PLD5: variants seen among roughly 807,000 people sequenced by gnomAD.
The protein encoded by PLD5 is phospholipase D family member 5.
Under a neutral mutation model 61.1 loss-of-function variants are expected in PLD5, and 36 were observed. The observed-to-expected ratio is 0.59, with a 90% CI of 0.45 to 0.78. The LOEUF (loss-of-function observed/expected upper bound fraction) is 0.78, where lower values mean the gene tolerates loss of function less well. Ranked by LOEUF, PLD5 falls within the 30% of genes least tolerant of loss-of-function variation. The probability of loss-of-function intolerance (pLI) is 0.00; values close to 1 mark genes in which losing one functional copy is unlikely to be tolerated. For synonymous variants in PLD5, 243 were observed against 242.8 expected (o/e 1.00, Z -0.01); for missense variants, 515 against 644.4 (o/e 0.80, Z 2.17).
At chr1:242,194,603 T>TA (rs1553321042) in intron 5 of PLD5, among the ~76,000 whole-genome samples, 2 of 74,350 alleles carry the variant, frequency 2.7e-5, no homozygotes, top group African/African-American at 1.2e-4. Context: ...TCTATCTATC[T>TA]ATGTATCTAT....
rs1659644864 is a variant in PLD5 at position 242,089,485 on chromosome 1, C to T, written c.*369G>A. ...CACCTTCCTCTCTAAATCAACAGTT[C>T]TCAGAATGGTGTTAAAGAGCCCACC... On this transcript the variant is annotated 3_prime_UTR_variant, in exon 10 of 10. Coordinates refer to ENST00000536534, the MANE Select transcript of PLD5 (RefSeq NM_001372062.1). The T allele has an allele frequency of 2.2e-6, 1 of 448,672 alleles. No homozygotes were observed. The highest frequency in any genetic ancestry group is 3.9e-6 in the Non-Finnish European group (1 of 256,936). The allele number at this position is 448,672 out of a possible 1,614,324, so 27.8% of individuals were successfully genotyped here.
chr1:242,226,092 T>C (rs1670923112), intron 4 of PLD5, among the ~76,000 whole-genome samples: 1 of 152,224 alleles, frequency 6.6e-6, no homozygotes, highest in Admixed American at 6.5e-5. Context: ...ACTTCTGAGA[T>C]CAGAAAATAT....
At chr1:242,360,538 A>G (rs935939961) in intron 1 of PLD5, among the ~76,000 whole-genome samples, 1 of 152,156 alleles carries the variant, frequency 6.6e-6, no homozygotes, top group Non-Finnish European at 1.5e-5. Flanking sequence ...TCATAATCCT[A>G]CTGAGACCTA....
At chr1:242,326,180 T>C (rs1658764892) in intron 2 of PLD5, among the ~76,000 whole-genome samples, 1 of 152,120 alleles carries the variant, frequency 6.6e-6, no homozygotes, top group Non-Finnish European at 1.5e-5. Context: ...GGCCTCACAT[T>C]GTTCTGATCA....
chr1:242,165,301 A>G (rs1666220656), intron 5 of PLD5, among the ~76,000 whole-genome samples: 1 of 152,164 alleles, frequency 6.6e-6, no homozygotes, highest in Non-Finnish European at 1.5e-5. Flanking sequence ...GCAAGAAAGC[A>G]TCTTCTCCAG....
intron 2 of PLD5, among the ~76,000 whole-genome samples, chr1:242,303,269 T>C (rs893810154): frequency 6.6e-6 from 1 of 152,238 alleles, no homozygotes; most frequent in Non-Finnish European, 1.5e-5. Context: ...TGTTCTTTCC[T>C]GAGCCTGCCC....
At chr1:242,367,665 G>A (rs560754144) in intron 1 of PLD5, among the ~76,000 whole-genome samples, 23 of 152,210 alleles carry the variant, frequency 1.5e-4, no homozygotes, top group African/African-American at 4.8e-4. Context: ...CAAACATAGA[G>A]GTGGGCAGGT....
rs952993253 is a variant in PLD5, at chr1:242,083,674, C to T, written c.*6180G>A. 6.6e-6 allele frequency: 1 copy of T among 152,108 alleles called. No homozygotes were observed. Among genetic ancestry groups the T allele is most frequent in the South Asian group, 2.1e-4 (1 of 4,828 alleles). 9.4% of individuals were successfully genotyped at this position (152,108 alleles called of 1,614,324 possible). On this transcript the variant is annotated 3_prime_UTR_variant, in exon 10 of 10. Coordinates refer to ENST00000536534, the MANE Select transcript of PLD5 (RefSeq NM_001372062.1). The stretch of plus-strand genomic sequence containing the variant: ...TAGGATGTTGCCTTTAATAACTCAC[C>T]CCTTTTAAAGAAGCAGCTAATCTTC...
Position 242,456,838 on chromosome 1 carries a change from G to A in PLD5, c.189+67250C>T, listed in dbSNP as rs74150721. On this transcript the variant is annotated intron_variant, in intron 1 of 9. Coordinates refer to ENST00000536534, the MANE Select transcript of PLD5 (RefSeq NM_001372062.1). The stretch of plus-strand genomic sequence containing the variant: ...AGAAGCAGCTTTCTTTTCAGAAGGA[G>A]TGAGTGCTCTTCAGGTTACCAAAAT... Among the ~76,000 whole-genome samples the A allele has an allele frequency of 3.9e-3, 589 of 152,308 alleles. 6 individuals are homozygous for A. Among genetic ancestry groups the A allele is most frequent in the African/African-American group, 0.013 (543 of 41,576 alleles).
chr1:242,355,113 G>A (rs1229563918), intron 1 of PLD5, among the ~76,000 whole-genome samples: 1 of 152,110 alleles, frequency 6.6e-6, no homozygotes, highest in Non-Finnish European at 1.5e-5. Flanking sequence ...TCTGGCTTTA[G>A]TATAGGGGTA....
At chr1:242,241,139 G>A (rs907631774) in intron 4 of PLD5, among the ~76,000 whole-genome samples, 4 of 152,272 alleles carry the variant, frequency 2.6e-5, no homozygotes, top group East Asian at 1.9e-4. Flanking sequence ...GTACTAAACC[G>A]TTCTACAGAA....
At chr1:242,276,356 A>T (rs1213500133) in intron 3 of PLD5, among the ~76,000 whole-genome samples, 1 of 139,820 alleles carries the variant, frequency 7.2e-6, no homozygotes, top group Non-Finnish European at 1.5e-5. Flanking sequence ...ATATATATGA[A>T]TATTTAAATA....
At chr1:242,421,911 A>G (rs1665166378) in intron 1 of PLD5, among the ~76,000 whole-genome samples, 1 of 152,240 alleles carries the variant, frequency 6.6e-6, no homozygotes, top group Non-Finnish European at 1.5e-5. Flanking sequence ...GTATGTGTCC[A>G]GAGGATACCA....
rs373961615 is a variant in PLD5 at position 242,520,332 on chromosome 1, G to A, written c.189+3756C>T. Reference sequence around the variant, plus strand: ...TATGTGAGGTGGAAAGTATACTTTCGTGGTGTCCGAGTCTCTGACATTTGG... The same window carrying A: ...TATGTGAGGTGGAAAGTATACTTTCATGGTGTCCGAGTCTCTGACATTTGG... On this transcript the variant is annotated intron_variant, in intron 1 of 9. Transcript: ENST00000536534. Among the ~76,000 whole-genome samples the A allele has an allele frequency of 1.1e-4, 16 of 152,276 alleles. No individual in the cohort carries two copies. In the South Asian group the frequency reaches 2.1e-3, roughly 20 times the overall value.
intron 1 of PLD5, among the ~76,000 whole-genome samples, chr1:242,400,294 A>G (rs1468726749): frequency 1.3e-5 from 1 of 79,178 alleles, no homozygotes; most frequent in Non-Finnish European, 2.2e-5. Context: ...ATTGTTTTTC[A>G]TGAAACCAGT....
intron 1 of PLD5, among the ~76,000 whole-genome samples, chr1:242,414,157 A>G (rs73132393): frequency 0.037 from 5,698 of 152,230 alleles, 382 homozygotes; most frequent in African/African-American, 0.13. Flanking sequence ...TAATTAGGAG[A>G]CAAATTGGGA....
At chr1:242,427,070 T>C (rs1237739413) in intron 1 of PLD5, among the ~76,000 whole-genome samples, 2 of 152,192 alleles carry the variant, frequency 1.3e-5, no homozygotes, top group African/African-American at 2.4e-5. Context: ...AAAGCCACTT[T>C]CCAATCAAGA....
At chr1:242,382,113 C>T (rs1013480275) in intron 1 of PLD5, among the ~76,000 whole-genome samples, 5 of 127,954 alleles carry the variant, frequency 3.9e-5, no homozygotes, top group African/African-American at 9.2e-5. Flanking sequence ...CAACTGATAG[C>T]GGAGACTTTG....
At chr1:242,131,027 C>T (rs868625153) in intron 5 of PLD5, among the ~76,000 whole-genome samples, 1 of 151,956 alleles carries the variant, frequency 6.6e-6, no homozygotes. Context: ...AAGTTATGGC[C>T]GGGCGCGGTG....
Sources: gnomAD v4.1 joint callset for allele counts (sites outside exome capture counted in the v4.1 genomes callset) on GRCh38, gnomAD v4.1.1 for gene constraint, MANE v1.5 for transcripts, NCBI Gene and HGNC (gene_info 2026-07-23, HGNC 2026-07-21) for gene names.